The following CCDC112 variants were observed in gnomAD, a reference collection of about 807,000 sequenced individuals.
CCDC112 encodes coiled-coil domain-containing protein 112.
Under a neutral mutation model 66.3 loss-of-function variants are expected in CCDC112, and 40 were observed. The ratio of observed to expected loss-of-function variants is 0.60; its 90% CI spans 0.47 to 0.79. CCDC112 has a LOEUF of 0.79. Among genes scored for constraint, CCDC112 ranks in the 30% least tolerant of loss-of-function variants. The pLI is 0.00. For synonymous variants in CCDC112, 214 were observed against 197.2 expected (o/e 1.09, Z -0.71); for missense variants, 659 against 603.8 (o/e 1.09, Z -0.96).
Position 115,269,731 on chromosome 5 carries a change from T to G in CCDC112, c.1400A>C (p.Gln467Pro). Reference protein sequence around the residue: ...QAKEDEKSQKQRRLAKLKEKV... With the variant: ...QAKEDEKSQKPRRLAKLKEKV... ...TTCTTTTAATTTTGCCAGTCTTCTT[T>G]GTTTTTGTGACTTTTCATCTTCCTT... is the stretch of plus-strand genomic sequence containing the variant. Residue 467 changes from glutamine (Q) to proline (P), a missense_variant, in exon 8 of 10, where the codon CAA becomes CCA. By Grantham distance (76) the Gln-to-Pro change is moderately conservative. Coordinates refer to ENST00000379611, the MANE Select transcript of CCDC112 (RefSeq NM_001040440.3). 6.2e-7 allele frequency: 1 copy of G among 1,603,548 alleles called. No individual in the cohort carries two copies. Among genetic ancestry groups the G allele is most frequent in the Non-Finnish European group, 8.5e-7 (1 of 1,175,762 alleles).
Position 115,268,093 on chromosome 5 carries a change from T to A in CCDC112, c.1548-175A>T, listed in dbSNP as rs535964391. 4.6e-5 allele frequency among the ~76,000 whole-genome samples: 7 copies of A among 152,358 alleles called. No individual in the cohort carries two copies. In the South Asian group the frequency reaches 1.2e-3, roughly 27 times the overall value. ...CTCATTAAGGTTTTATTTCTAGCTCTAGCTCTCAAACTGATTGACAGACAA... is the reference window on the plus strand; with the variant it reads ...CTCATTAAGGTTTTATTTCTAGCTCAAGCTCTCAAACTGATTGACAGACAA... On this transcript the variant is annotated intron_variant, in intron 9 of 9. Coordinates refer to ENST00000379611, the MANE Select transcript of CCDC112 (RefSeq NM_001040440.3).
chr5:115,274,868 G>A (rs2127055313), intron 6 of CCDC112, among the ~76,000 whole-genome samples: 1 of 152,294 alleles, frequency 6.6e-6, no homozygotes, highest in South Asian at 2.1e-4. Context: ...AGCTTCCCAA[G>A]TAGCTGGGAC....
intron 9 of CCDC112, 96 bp from the exon 10 acceptor site, chr5:115,268,014 A>C: frequency 6.6e-6 from 6 of 915,360 alleles, no homozygotes; most frequent in Non-Finnish European, 8.7e-6. Context: ...ATATATATAT[A>C]ACCTACCCTG....
At chr5:115,283,790 T>C (rs551720569) in intron 2 of CCDC112, among the ~76,000 whole-genome samples, 46 of 152,202 alleles carry the variant, frequency 3.0e-4, no homozygotes, top group African/African-American at 1.1e-3. Context: ...TTCCTTATAA[T>C]AGGCTCCTTT....
intron 8 of CCDC112, 107 bp from the exon 9 acceptor site, chr5:115,269,107 T>TA: frequency 1.8e-6 from 1 of 562,114 alleles, no homozygotes; most frequent in East Asian, 3.1e-5. Context: ...TGATATTGGC[T>TA]AATAAAACCA....
At chr5:115,279,458 C>T (rs561235121) in intron 3 of CCDC112, among the ~76,000 whole-genome samples, 189 bp downstream of exon 3, 9 of 151,994 alleles carry the variant, frequency 5.9e-5, no homozygotes, top group South Asian at 2.1e-4. Flanking sequence ...AATAGTGACC[C>T]GAAAGAATAA....
intron 1 of CCDC112, among the ~76,000 whole-genome samples, chr5:115,286,325 C>T (rs1367301975): frequency 6.6e-6 from 1 of 152,282 alleles, no homozygotes; most frequent in East Asian, 1.9e-4. Flanking sequence ...ACTTCTTTCA[C>T]TTCACATGAT....
chr5:115,294,318 G>A (rs1280995825), intron 1 of CCDC112, among the ~76,000 whole-genome samples: 2 of 152,140 alleles, frequency 1.3e-5, no homozygotes, highest in East Asian at 3.9e-4. Flanking sequence ...TGTTAAATGA[G>A]GTCATTAAGG....
intron 1 of CCDC112, among the ~76,000 whole-genome samples, chr5:115,294,008 A>G (rs1454987296): frequency 6.6e-6 from 1 of 152,246 alleles, no homozygotes; most frequent in Non-Finnish European, 1.5e-5. Context: ...AGAGGAGGAT[A>G]GAGATTTGCG....
At position 115,271,549 on chromosome 5, in the gene CCDC112, T is replaced by A. The variant is rs141205772; in HGVS notation, c.996A>T (p.Thr332=). Residue 332 remains threonine, a synonymous_variant, in exon 7 of 10, where the codon ACA becomes ACT. Transcript: ENST00000379611. Reference sequence around the variant, plus strand: ...CTTGTTTATTATGAAAAAGCACAGGTGTGTTGTCTGCCTTTTCCTTTAACT... The same window carrying A: ...CTTGTTTATTATGAAAAAGCACAGGAGTGTTGTCTGCCTTTTCCTTTAACT... ...IFKLKEKADN[T]PVLFHNKQED... The A allele has an allele frequency of 2.9e-3, 4,591 of 1,600,222 alleles. 181 individuals are homozygous for A. In the Admixed American group the frequency reaches 0.069, roughly 24 times the overall value.
rs184832859 is a variant in CCDC112 at position 115,277,709 on chromosome 5, C to T, written c.362-655G>A. Among the ~76,000 whole-genome samples, 44 of 152,126 alleles carry T rather than the reference C, an allele frequency of 2.9e-4. No individual in the cohort carries two copies. In the East Asian group the frequency reaches 3.7e-3, roughly 13 times the overall value. On this transcript the variant is annotated intron_variant, in intron 3 of 9. Coordinates refer to ENST00000379611, the MANE Select transcript of CCDC112 (RefSeq NM_001040440.3). The stretch of plus-strand genomic sequence containing the variant: ...CCTGAAAAGTAAATGAGAGTCTCAA[C>T]GATTCTTTCAAATTGTCTTTATCAG...
intron 3 of CCDC112, among the ~76,000 whole-genome samples, chr5:115,279,039 G>C (rs1221637505): frequency 6.6e-6 from 1 of 152,044 alleles, no homozygotes; most frequent in Non-Finnish European, 1.5e-5. Flanking sequence ...GTACACTATT[G>C]ACAATGATTA....
At position 115,269,722 on chromosome 5, in the gene CCDC112, A is replaced by C. The variant is rs1452617304; in HGVS notation, c.1409T>G (p.Leu470Arg). The change falls in exon 8 of 10, where the codon CTG becomes CGG. Residue 470 changes from leucine (L) to arginine (R), a missense_variant. Coordinates refer to ENST00000379611, the MANE Select transcript of CCDC112 (RefSeq NM_001040440.3). The stretch of plus-strand genomic sequence containing the variant: ...GAGTACCTTTTCTTTTAATTTTGCC[A>C]GTCTTCTTTGTTTTTGTGACTTTTC... ...EDEKSQKQRR[L>R]AKLKEKVENN... The C allele has an allele frequency of 6.2e-6, 10 of 1,600,696 alleles. No homozygotes were observed. Among genetic ancestry groups the C allele is most frequent in the Non-Finnish European group, 7.7e-6 (9 of 1,173,948 alleles).
chr5:115,279,792 A>G (rs1409687353), intron 2 of CCDC112, 24 bp from the exon 3 acceptor site: 2 of 1,201,024 alleles, frequency 1.7e-6, no homozygotes, highest in Non-Finnish European at 2.4e-6. Flanking sequence ...AACAAATAGT[A>G]TAAATATGAT....
chr5:115,278,641 A>G lies in CCDC112; in HGVS notation c.361+1006T>C, dbSNP rs562489088. The stretch of plus-strand genomic sequence containing the variant: ...AAAAATCAGCCTCCCAGTTGTCTAC[A>G]AAAGAACTGAGGGAAATAAAGAAAT... On this transcript the variant is annotated intron_variant, in intron 3 of 9. Coordinates refer to ENST00000379611, the MANE Select transcript of CCDC112 (RefSeq NM_001040440.3). Among the ~76,000 whole-genome samples the G allele has an allele frequency of 1.7e-3, 257 of 152,242 alleles. 1 individual carries two copies. The highest frequency in any genetic ancestry group is 2.5e-3 in the Non-Finnish European group (168 of 67,970).
In CCDC112 at chr5:115,296,615, C is replaced by T; in HGVS notation, c.-72G>A. Reference sequence around the variant, plus strand: ...GGATTCGTGGCAGGCGCACCCTGGCCTCTGCAGACAGCTCCCTGCGCTGCG... The same window carrying T: ...GGATTCGTGGCAGGCGCACCCTGGCTTCTGCAGACAGCTCCCTGCGCTGCG... On this transcript the variant is annotated 5_prime_UTR_variant, in exon 1 of 10. Transcript: ENST00000379611. 7.3e-7 allele frequency: 1 copy of T among 1,378,472 alleles called. No individual in the cohort carries two copies. The highest frequency in any genetic ancestry group is 2.4e-4 in the Middle Eastern group (1 of 4,252). 85.4% of individuals were successfully genotyped at this position (1,378,472 alleles called of 1,614,324 possible).
At chr5:115,269,530 A>G (rs1748910571) in intron 8 of CCDC112, 173 bp downstream of exon 8, 2 of 534,436 alleles carry the variant, frequency 3.7e-6, no homozygotes, top group Non-Finnish European at 6.5e-6. Flanking sequence ...AATTCAAATA[A>G]TGGTTGCTTA....
intron 2 of CCDC112, among the ~76,000 whole-genome samples, chr5:115,282,925 C>T (rs757821836): frequency 9.2e-5 from 14 of 151,986 alleles, no homozygotes; most frequent in African/African-American, 3.1e-4. Flanking sequence ...TTCTAATATT[C>T]TTTCAGTGAG....
At chr5:115,277,134 TC>T (rs1400536359) in intron 3 of CCDC112, 80 bp from the exon 4 acceptor site, 1 of 773,158 alleles carries the variant, frequency 1.3e-6, no homozygotes, top group Admixed American at 2.2e-5. Flanking sequence ...GTAAGACTGA[TC>T]ACTGTTAGTA....
Sources: allele counts gnomAD v4.1 joint callset (sites outside exome capture counted in the v4.1 genomes callset), GRCh38; gene constraint gnomAD v4.1.1; transcripts MANE v1.5; gene names NCBI Gene and HGNC (gene_info 2026-07-23, HGNC 2026-07-21).